Variants in EXOC6B observed in about 807,000 individuals in gnomAD.
EXOC6B encodes the protein exocyst complex component 6B.
A neutral mutation model predicts 113.5 loss-of-function variants in EXOC6B; 54 were observed. That is an observed-to-expected ratio of 0.48 (90% CI 0.38 to 0.60). The LOEUF (loss-of-function observed/expected upper bound fraction) is 0.60, where lower values mean the gene tolerates loss of function less well. Among genes scored for constraint, EXOC6B ranks in the 20% least tolerant of loss-of-function variants. EXOC6B has a pLI of 0.00. For missense variants in EXOC6B, 797 were observed against 977.5 expected, an observed-to-expected ratio of 0.82 and a Z score of 2.46; for synonymous variants, 357 against 339.0, an observed-to-expected ratio of 1.05 and a Z score of -0.58.
chr2:72,300,273 G>C (rs1686426407), intron 20 of EXOC6B, among the ~76,000 whole-genome samples: 1 of 152,194 alleles, frequency 6.6e-6, no homozygotes, highest in Non-Finnish European at 1.5e-5. Flanking sequence ...TTGCTGAGCT[G>C]TGGTGGGTTC....
In EXOC6B at chr2:72,606,344, G is replaced by A. The variant is rs187586173; in HGVS notation, c.670-30676C>T. ...ATATACATATGCCATAAGTTAACAA[G>A]TACACACACACATACAATATTAAAC... is the stretch of plus-strand genomic sequence containing the variant. On this transcript the variant is annotated intron_variant, in intron 6 of 21. Coordinates refer to ENST00000272427, the MANE Select transcript of EXOC6B (RefSeq NM_015189.3). Among the ~76,000 whole-genome samples the A allele has an allele frequency of 9.9e-5, 15 of 151,838 alleles. No homozygotes were observed. The East Asian group carries it at 2.9e-3, about 30-fold the overall frequency.
intron 6 of EXOC6B, among the ~76,000 whole-genome samples, chr2:72,678,707 A>G (rs987642309): frequency 1.3e-5 from 2 of 152,264 alleles, no homozygotes; most frequent in African/African-American, 4.8e-5. Context: ...CTCTGTCTCC[A>G]ACAACAACAA....
chr2:72,713,144 A>G (rs1679377577), intron 6 of EXOC6B, among the ~76,000 whole-genome samples: 1 of 152,166 alleles, frequency 6.6e-6, no homozygotes, highest in African/African-American at 2.4e-5. Context: ...CCCAAAAAGA[A>G]GCCTATGTAC....
At chr2:72,225,056 T>C (rs900786116) in intron 20 of EXOC6B, among the ~76,000 whole-genome samples, 2 of 150,532 alleles carry the variant, frequency 1.3e-5, no homozygotes, top group Non-Finnish European at 3.0e-5. Context: ...TTCGCCATGT[T>C]GTCCAGGTTG....
At chr2:72,594,133 C>T (rs62150265) in intron 6 of EXOC6B, among the ~76,000 whole-genome samples, 4,931 of 152,146 alleles carry the variant, frequency 0.032, 115 homozygotes, top group Non-Finnish European at 0.05. Flanking sequence ...GGGGCATGCA[C>T]GCACGCCTGG....
At chr2:72,188,713 C>T (rs1678610161) in intron 20 of EXOC6B, among the ~76,000 whole-genome samples, 1 of 152,212 alleles carries the variant, frequency 6.6e-6, no homozygotes, top group Non-Finnish European at 1.5e-5. Context: ...TATAAATTCT[C>T]CTGCAAGGAC....
At chr2:72,194,187 C>T (rs1679018050) in intron 20 of EXOC6B, among the ~76,000 whole-genome samples, 1 of 152,054 alleles carries the variant, frequency 6.6e-6, no homozygotes, top group Non-Finnish European at 1.5e-5. Flanking sequence ...AATGAGATGG[C>T]ATAAAATTCA....
intron 8 of EXOC6B, among the ~76,000 whole-genome samples, chr2:72,516,372 T>C (rs1573305871): frequency 6.6e-6 from 1 of 152,038 alleles, no homozygotes; most frequent in Non-Finnish European, 1.5e-5. Context: ...CTCAGCCTCC[T>C]GAGTAGCTGG....
chr2:72,251,105 T>C (rs966533073), intron 20 of EXOC6B, among the ~76,000 whole-genome samples: 7 of 152,150 alleles, frequency 4.6e-5, no homozygotes, highest in Middle Eastern at 6.3e-3. Flanking sequence ...ACTTTGTATT[T>C]AATATTGGCA....
intron 18 of EXOC6B, among the ~76,000 whole-genome samples, chr2:72,434,024 G>C (rs1695707105): frequency 6.6e-6 from 1 of 152,166 alleles, no homozygotes; most frequent in African/African-American, 2.4e-5. Flanking sequence ...CGTTTGGTAT[G>C]ATATTGGCTG....
chr2:72,382,654 C>G (rs909796470), intron 18 of EXOC6B, among the ~76,000 whole-genome samples: 1 of 152,174 alleles, frequency 6.6e-6, no homozygotes, highest in Non-Finnish European at 1.5e-5. Context: ...TCTTCCTACT[C>G]ATGAATATGG....
chr2:72,293,352 T>C (rs1685927039), intron 20 of EXOC6B, among the ~76,000 whole-genome samples: 1 of 152,132 alleles, frequency 6.6e-6, no homozygotes, highest in African/African-American at 2.4e-5. Flanking sequence ...AGACACAATA[T>C]GGGCACAGAT....
In EXOC6B at chr2:72,304,072, G is replaced by A. The variant is rs186591269; in HGVS notation, c.2196+30875C>T. On this transcript the variant is annotated intron_variant, in intron 20 of 21. Coordinates refer to ENST00000272427, the MANE Select transcript of EXOC6B (RefSeq NM_015189.3). ...TTTCTCTGTCTCTGTGTCACTCCCA[G>A]GTGGGCGTTTATCCTGCCTTGCTTT... is the stretch of plus-strand genomic sequence containing the variant. Among the ~76,000 whole-genome samples the A allele has an allele frequency of 9.8e-5, 15 of 152,290 alleles. No individual in the cohort carries two copies. In the East Asian group the frequency reaches 2.5e-3, roughly 25 times the overall value.
intron 19 of EXOC6B, among the ~76,000 whole-genome samples, chr2:72,337,573 C>T (rs997201916): frequency 3.9e-5 from 6 of 152,236 alleles, no homozygotes; most frequent in Non-Finnish European, 7.4e-5. Flanking sequence ...ATTTAGTTTT[C>T]GGAGTCACTT....
chr2:72,643,780 T>TA (rs202054591), intron 6 of EXOC6B, among the ~76,000 whole-genome samples: 22 of 139,704 alleles, frequency 1.6e-4, no homozygotes, highest in African/African-American at 4.5e-4. Flanking sequence ...AAAATAAATT[T>TA]AAAAAAAAAG....
At chr2:72,688,907 A>G (rs917259455) in intron 6 of EXOC6B, among the ~76,000 whole-genome samples, 6 of 152,212 alleles carry the variant, frequency 3.9e-5, no homozygotes, top group African/African-American at 1.4e-4. Flanking sequence ...ATTTTAGTTC[A>G]TGGTACTAAC....
At chr2:72,554,256 G>A (rs1222558150) in intron 8 of EXOC6B, among the ~76,000 whole-genome samples, 40 of 152,134 alleles carry the variant, frequency 2.6e-4, no homozygotes, top group Admixed American at 2.6e-3. Flanking sequence ...TCCACTCAAT[G>A]CAAAACCACT....
chr2:72,590,364 T>C (rs1217107640), intron 6 of EXOC6B, among the ~76,000 whole-genome samples: 3 of 151,544 alleles, frequency 2.0e-5, no homozygotes, highest in Non-Finnish European at 4.4e-5. Context: ...ATGTTCACAC[T>C]CCAAGAGTAT....
rs139512854 is a variant in EXOC6B at position 72,762,078 on chromosome 2, T to A, written c.114-20609A>T. Among the ~76,000 whole-genome samples, 428 of 151,952 alleles carry A rather than the reference T, an allele frequency of 2.8e-3. 14 individuals are homozygous for A. In the East Asian group the frequency reaches 0.078, roughly 28 times the overall value. On this transcript the variant is annotated intron_variant, in intron 1 of 21. Transcript: ENST00000272427. ...AGCCAACATGGTAAAACCCCATCTC[T>A]ACAAAAAATACAAAAATTAGCTGGG... is the stretch of plus-strand genomic sequence containing the variant.
Sources: gnomAD v4.1 joint callset for allele counts (sites outside exome capture counted in the v4.1 genomes callset) on GRCh38, gnomAD v4.1.1 for gene constraint, MANE v1.5 for transcripts, NCBI Gene and HGNC (gene_info 2026-07-23, HGNC 2026-07-21) for gene names.